The following RBFOX1 variants were observed in gnomAD, a reference collection of about 807,000 sequenced individuals.
RBFOX1 encodes RNA binding protein fox-1 homolog 1.
Under a neutral mutation model 57.7 loss-of-function variants are expected in RBFOX1, and 8 were observed. The observed-to-expected ratio is 0.14, with a 90% CI of 0.08 to 0.25. The LOEUF is 0.25. Ranked by LOEUF, RBFOX1 falls within the 10% of genes least tolerant of loss-of-function variation. RBFOX1 has a pLI of 1.00. For synonymous variants in RBFOX1, 326 were observed against 222.4 expected (o/e 1.47, Z -4.15); for missense variants, 611 against 548.5 (o/e 1.11, Z -1.14).
rs1466505046 is a variant in RBFOX1 at position 7,567,273 on chromosome 16, A to ATATATCCCTATG, written c.271-12493_271-12492insGTATATCCCTAT. Among the ~76,000 whole-genome samples the ATATATCCCTATG allele has an allele frequency of 3.5e-5, 5 of 141,088 alleles. 1 individual carries two copies. The highest frequency in any genetic ancestry group is 5.2e-5 in the African/African-American group (2 of 38,514). 92.6% of individuals were successfully genotyped at this position (141,088 alleles called of 152,430 possible). Reference sequence around the variant, plus strand: ...TCCCTATATATATATATCCCTATATATATATCCCTATATATCCTTATATAT... The same window carrying ATATATCCCTATG: ...TCCCTATATATATATATCCCTATATATATATCCCTATGTATATCCCTATATATCCTTATATAT... On this transcript the variant is annotated intron_variant, in intron 5 of 15. Transcript: ENST00000550418.
chr16:5,855,020 C>G (rs866018448), intron 3 of RBFOX1, among the ~76,000 whole-genome samples: 120 of 152,258 alleles, frequency 7.9e-4, no homozygotes, highest in African/African-American at 2.7e-3. Context: ...ATTTGTACAT[C>G]TTCTTTGGAA....
intron 4 of RBFOX1, among the ~76,000 whole-genome samples, chr16:5,976,154 T>TAATA (rs562895604): frequency 5.1e-4 from 78 of 151,886 alleles, no homozygotes; most frequent in Non-Finnish European, 8.7e-4. Flanking sequence ...CAAAATAAAT[T>TAATA]AATAAATAAA....
At chr16:6,481,623 C>T (rs545998030) in intron 2 of RBFOX1, among the ~76,000 whole-genome samples, 9 of 152,222 alleles carry the variant, frequency 5.9e-5, no homozygotes, top group Middle Eastern at 3.4e-3. Flanking sequence ...TCTGGATAAG[C>T]GAAAGTCTAA....
At chr16:5,620,149 C>T (rs967100387) in intron 3 of RBFOX1, among the ~76,000 whole-genome samples, 1 of 152,074 alleles carries the variant, frequency 6.6e-6, no homozygotes, top group Non-Finnish European at 1.5e-5. Flanking sequence ...GAGTAGGCTG[C>T]TGGAACCCGA....
At chr16:7,546,895 G>C (rs1395313985) in intron 5 of RBFOX1, among the ~76,000 whole-genome samples, 1 of 152,086 alleles carries the variant, frequency 6.6e-6, no homozygotes, top group Non-Finnish European at 1.5e-5. Context: ...GTTTCTGTAG[G>C]ATAAATTCCC....
chr16:6,566,290 A>G (rs747226323), intron 2 of RBFOX1, among the ~76,000 whole-genome samples: 2 of 152,144 alleles, frequency 1.3e-5, no homozygotes, highest in Non-Finnish European at 2.9e-5. Flanking sequence ...CATGGCGAAC[A>G]GCTATGCCTA....
chr16:6,586,254 A>G (rs2097614708), intron 2 of RBFOX1, among the ~76,000 whole-genome samples: 2 of 152,206 alleles, frequency 1.3e-5, no homozygotes, highest in Non-Finnish European at 1.5e-5. Context: ...AAAACCAACA[A>G]TTTCTTTGAA....
Position 7,425,219 on chromosome 16 carries a change from T to C in RBFOX1, c.28-92928T>C, listed in dbSNP as rs115388026. Among the ~76,000 whole-genome samples the C allele has an allele frequency of 7.9e-3, 1,211 of 152,338 alleles. 19 individuals are homozygous for C. The highest frequency in any genetic ancestry group is 0.028 in the African/African-American group (1,145 of 41,578). On this transcript the variant is annotated intron_variant, in intron 4 of 15. Coordinates refer to ENST00000550418, the MANE Select transcript of RBFOX1 (RefSeq NM_018723.4). ...AGAATGCTAGAAGTCCATTGTTGTT[T>C]AATGCTTCATTTACAGCATGCGGAT... is the stretch of plus-strand genomic sequence containing the variant.
chr16:5,555,784 G>C (rs1006478389), intron 2 of RBFOX1, among the ~76,000 whole-genome samples: 1 of 151,870 alleles, frequency 6.6e-6, no homozygotes, highest in Non-Finnish European at 1.5e-5. Context: ...CACTTTGGGA[G>C]GCCTAGGTGG....
At chr16:6,960,458 C>T (rs547454523) in intron 3 of RBFOX1, among the ~76,000 whole-genome samples, 7 of 152,248 alleles carry the variant, frequency 4.6e-5, no homozygotes, top group African/African-American at 1.7e-4. Context: ...CCTTGTCTCC[C>T]AGTTCTCGTG....
At chr16:5,255,447 A>G (rs912258747) in intron 1 of RBFOX1, among the ~76,000 whole-genome samples, 8 of 129,484 alleles carry the variant, frequency 6.2e-5, no homozygotes, top group African/African-American at 1.8e-4. Context: ...TATCCATCCA[A>G]TCCACTCTCT....
At chr16:6,267,896 TA>T (rs2074724405) in intron 1 of RBFOX1, among the ~76,000 whole-genome samples, 1 of 152,184 alleles carries the variant, frequency 6.6e-6, no homozygotes, top group African/African-American at 2.4e-5. Context: ...ATTACCTTTT[TA>T]TATTTATCCC....
At chr16:6,364,711 T>C (rs2089248995) in intron 2 of RBFOX1, among the ~76,000 whole-genome samples, 1 of 152,222 alleles carries the variant, frequency 6.6e-6, no homozygotes, top group Non-Finnish European at 1.5e-5. Context: ...TTCTGTGTAA[T>C]TTCTCACCCT....
chr16:6,557,874 C>T lies in RBFOX1; in HGVS notation c.-63-96729C>T, dbSNP rs1437558474. Among the ~76,000 whole-genome samples the T allele has an allele frequency of 2.6e-5, 4 of 152,166 alleles. No homozygotes were observed. The East Asian group carries it at 7.7e-4, about 29-fold the overall frequency. On this transcript the variant is annotated intron_variant, in intron 2 of 15. Coordinates refer to ENST00000550418, the MANE Select transcript of RBFOX1 (RefSeq NM_018723.4). ...GTCATTTTAATATTGTGTATTCTCC[C>T]CTTTGGTGTGTTAAGTACTTCCCCA... is the stretch of plus-strand genomic sequence containing the variant.
chr16:6,521,802 C>G (rs1200906466), intron 2 of RBFOX1, among the ~76,000 whole-genome samples: 2 of 152,004 alleles, frequency 1.3e-5, no homozygotes, highest in East Asian at 1.9e-4. Flanking sequence ...ATTCTTAAAG[C>G]TAAATAGTGA....
At chr16:6,853,346 G>A (rs1045647294) in intron 3 of RBFOX1, among the ~76,000 whole-genome samples, 1 of 152,128 alleles carries the variant, frequency 6.6e-6, no homozygotes, top group Non-Finnish European at 1.5e-5. Context: ...GCATACCTCT[G>A]TGCATTGTAG....
intron 4 of RBFOX1, among the ~76,000 whole-genome samples, chr16:7,189,513 T>G (rs530700437): frequency 6.7e-6 from 1 of 148,514 alleles, no homozygotes; most frequent in Admixed American, 6.7e-5. Flanking sequence ...CTCTCCAGTT[T>G]AGAATACATT....
At chr16:5,777,423 A>G (rs1045785642) in intron 3 of RBFOX1, among the ~76,000 whole-genome samples, 1 of 152,192 alleles carries the variant, frequency 6.6e-6, no homozygotes, top group Admixed American at 6.5e-5. Flanking sequence ...CTCTTTTGCT[A>G]TAGAAGGCAC....
At chr16:6,228,177 G>A (rs2097431538) in intron 1 of RBFOX1, among the ~76,000 whole-genome samples, 1 of 152,058 alleles carries the variant, frequency 6.6e-6, no homozygotes. Context: ...TAGGCTTGGT[G>A]ACACGCGCCT....
Sources: allele counts gnomAD v4.1 joint callset (sites outside exome capture counted in the v4.1 genomes callset), GRCh38; gene constraint gnomAD v4.1.1; transcripts MANE v1.5; gene names NCBI Gene and HGNC (gene_info 2026-07-23, HGNC 2026-07-21).